PRKCA: variants seen among roughly 807,000 people sequenced by gnomAD.
The protein encoded by PRKCA is protein kinase C alpha.
Under a neutral mutation model 87.0 loss-of-function variants are expected in PRKCA, and 27 were observed. The observed-to-expected ratio is 0.31, with a 90% CI of 0.23 to 0.43. The LOEUF is 0.43. PRKCA is among the 20% of genes least tolerant of loss of function. PRKCA has a pLI of 1.00. For missense variants in PRKCA, 518 were observed against 852.3 expected (o/e 0.61, Z 4.88); for synonymous variants, 329 against 311.1 (o/e 1.06, Z -0.61).
Position 66,629,096 on chromosome 17 carries a change from C to A in PRKCA, c.289-12259C>A, listed in dbSNP as rs557943196. Among the ~76,000 whole-genome samples, 21 of 152,210 alleles carry A rather than the reference C, an allele frequency of 1.4e-4. No homozygotes were observed. In the South Asian group the frequency reaches 4.4e-3, roughly 32 times the overall value. On this transcript the variant is annotated intron_variant, in intron 3 of 16. Transcript: ENST00000413366. ...AGAGGGGTTGCTGCTTGGGAAATAT[C>A]TACTGGAAGTAATGAGGAGTCAGGG...
At chr17:66,757,811 G>A (rs1036383580) in intron 13 of PRKCA, among the ~76,000 whole-genome samples, 7 of 152,096 alleles carry the variant, frequency 4.6e-5, no homozygotes, top group Non-Finnish European at 1.0e-4. Context: ...TGCAAGCTCC[G>A]CCTCCCAGGT....
intron 14 of PRKCA, among the ~76,000 whole-genome samples, chr17:66,782,857 C>G (rs1281511452): frequency 6.6e-6 from 1 of 152,188 alleles, no homozygotes; most frequent in Non-Finnish European, 1.5e-5. Flanking sequence ...CTAAGAGCCC[C>G]AGGCTCCAAA....
intron 2 of PRKCA, among the ~76,000 whole-genome samples, chr17:66,478,066 A>G (rs1405244504): frequency 2.0e-5 from 3 of 152,190 alleles, no homozygotes; most frequent in African/African-American, 4.8e-5. Flanking sequence ...CTTTTCGCCA[A>G]AGATGATTTT....
intron 2 of PRKCA, among the ~76,000 whole-genome samples, chr17:66,409,281 G>A (rs1911629146): frequency 6.6e-6 from 1 of 152,064 alleles, no homozygotes; most frequent in South Asian, 2.1e-4. Flanking sequence ...TGAAAGTCTT[G>A]GATGCTTCTG....
chr17:66,498,254 CTT>C (rs1916571687), intron 3 of PRKCA, among the ~76,000 whole-genome samples: 6 of 151,844 alleles, frequency 4.0e-5, no homozygotes, highest in Admixed American at 3.3e-4. Context: ...AAAGTACTAA[CTT>C]TTCCAAAAAG....
chr17:66,523,776 G>C (rs1323059180), intron 3 of PRKCA, among the ~76,000 whole-genome samples: 1 of 152,170 alleles, frequency 6.6e-6, no homozygotes, highest in Admixed American at 6.5e-5. Context: ...ACCTAAGGCA[G>C]GTCCAGGGTG....
chr17:66,687,014 C>A, intron 5 of PRKCA, 97 bp from the exon 6 acceptor site: 1 of 1,139,424 alleles, frequency 8.8e-7, no homozygotes. Context: ...AAACGCCATT[C>A]TGACGTCTCT....
At chr17:66,460,693 G>C (rs1225647861) in intron 2 of PRKCA, among the ~76,000 whole-genome samples, 1 of 152,122 alleles carries the variant, frequency 6.6e-6, no homozygotes, top group Non-Finnish European at 1.5e-5. Flanking sequence ...CAGCTGATGG[G>C]GCAGACCAGC....
chr17:66,467,647 T>G (rs531363432), intron 2 of PRKCA, among the ~76,000 whole-genome samples: 14 of 152,190 alleles, frequency 9.2e-5, no homozygotes, highest in African/African-American at 2.7e-4. Flanking sequence ...AGCCTCAAAC[T>G]CCTGGGCTCA....
Position 66,595,162 on chromosome 17 carries a change from T to G in PRKCA, c.289-46193T>G, listed in dbSNP as rs529689684. ...TCCCTGTTCCTCCAATTTTCAAATC[T>G]CCTTCTTCTTTTTTAAAAAATTATA... On this transcript the variant is annotated intron_variant, in intron 3 of 16. Transcript: ENST00000413366. Among the ~76,000 whole-genome samples the G allele has an allele frequency of 2.5e-3, 381 of 152,256 alleles. 3 individuals carry two copies. Among genetic ancestry groups the G allele is most frequent in the Non-Finnish European group, 4.8e-3 (328 of 68,028 alleles).
chr17:66,541,845 A>C (rs1017270736), intron 3 of PRKCA, among the ~76,000 whole-genome samples: 1 of 152,238 alleles, frequency 6.6e-6, no homozygotes, highest in African/African-American at 2.4e-5. Context: ...AGGATTTTCT[A>C]TCAGTGCATG....
intron 2 of PRKCA, among the ~76,000 whole-genome samples, chr17:66,463,939 T>C (rs1253851543): frequency 6.6e-6 from 1 of 152,190 alleles, no homozygotes; most frequent in African/African-American, 2.4e-5. Context: ...TTCTGTGAGT[T>C]GTGACAAATG....
At chr17:66,606,750 A>T (rs1970221213) in intron 3 of PRKCA, among the ~76,000 whole-genome samples, 1 of 152,220 alleles carries the variant, frequency 6.6e-6, no homozygotes. Context: ...GGCCATATAT[A>T]TCAAGAGTTG....
At chr17:66,358,255 G>A (rs1192985505) in intron 2 of PRKCA, among the ~76,000 whole-genome samples, 1 of 152,058 alleles carries the variant, frequency 6.6e-6, no homozygotes, top group African/African-American at 2.4e-5. Context: ...TTTGAGGGCT[G>A]AGTTTAAATA....
chr17:66,797,600 G>A (rs1975698836), intron 16 of PRKCA, among the ~76,000 whole-genome samples: 1 of 152,190 alleles, frequency 6.6e-6, no homozygotes, highest in Non-Finnish European at 1.5e-5. Flanking sequence ...AGCCTGGGAA[G>A]GTGGATGGTC....
At chr17:66,745,920 A>T (rs533657268) in intron 13 of PRKCA, among the ~76,000 whole-genome samples, 1 of 152,280 alleles carries the variant, frequency 6.6e-6, no homozygotes, top group East Asian at 1.9e-4. Flanking sequence ...CGACTCACGT[A>T]TCCAGACAGC....
At chr17:66,397,741 G>A (rs1371086493) in intron 2 of PRKCA, among the ~76,000 whole-genome samples, 5 of 152,082 alleles carry the variant, frequency 3.3e-5, no homozygotes, top group Admixed American at 2.0e-4. Context: ...TCTGTAATGT[G>A]TCATGGGGGG....
chr17:66,690,256 C>T (rs1158405650), intron 8 of PRKCA, among the ~76,000 whole-genome samples: 1 of 152,144 alleles, frequency 6.6e-6, no homozygotes, highest in Admixed American at 6.5e-5. Flanking sequence ...GTTAGATGTC[C>T]TTGGGAGCAC....
chr17:66,691,609 T>C (rs970843642), intron 8 of PRKCA, among the ~76,000 whole-genome samples: 1 of 152,160 alleles, frequency 6.6e-6, no homozygotes, highest in Non-Finnish European at 1.5e-5. Flanking sequence ...TCACACCACC[T>C]CTGTGACGGA....
Sources: gnomAD v4.1 joint callset for allele counts (sites outside exome capture counted in the v4.1 genomes callset) on GRCh38, gnomAD v4.1.1 for gene constraint, MANE v1.5 for transcripts, NCBI Gene and HGNC (gene_info 2026-07-23, HGNC 2026-07-21) for gene names.